Variants in LDB2 observed in about 807,000 individuals in gnomAD.
LDB2 encodes the protein LIM domain-binding protein 2.
LDB2 carries 12 observed loss-of-function variants against 44.3 expected under a neutral mutation model. The observed-to-expected ratio is 0.27, with a 90% CI of 0.17 to 0.44. The LOEUF is 0.44. Ranked by LOEUF, LDB2 falls within the 20% of genes least tolerant of loss-of-function variation. The pLI is 1.00. For synonymous variants in LDB2, 164 were observed against 174.8 expected (o/e 0.94, Z 0.49); for missense variants, 344 against 473.5 (o/e 0.73, Z 2.54).
chr4:16,727,184 T>C lies in LDB2; in HGVS notation c.235+31974A>G, dbSNP rs79058318. Among the ~76,000 whole-genome samples, 1,021 of 152,294 alleles carry C rather than the reference T, an allele frequency of 6.7e-3. 16 individuals are homozygous for C. Among genetic ancestry groups the C allele is most frequent in the African/African-American group, 0.023 (975 of 41,556 alleles). ...TGCCAGGGGCACGATTCCTGATTCA[T>C]CAACTCAAAGAGCATGCAAAATCCC... is the stretch of plus-strand genomic sequence containing the variant. On this transcript the variant is annotated intron_variant, in intron 2 of 7. Coordinates refer to ENST00000304523, the MANE Select transcript of LDB2 (RefSeq NM_001290.5).
At chr4:16,751,830 C>A (rs184093093) in intron 2 of LDB2, among the ~76,000 whole-genome samples, 1 of 152,250 alleles carries the variant, frequency 6.6e-6, no homozygotes, top group African/African-American at 2.4e-5. Context: ...CTTCGAATGA[C>A]AATCTGCTCT....
chr4:16,655,518 C>T (rs1578514968), intron 2 of LDB2, among the ~76,000 whole-genome samples: 1 of 152,308 alleles, frequency 6.6e-6, no homozygotes, highest in East Asian at 1.9e-4. Context: ...CCACAATCGT[C>T]CGTTACACAA....
At chr4:16,772,078 C>T (rs1186723709) in intron 1 of LDB2, among the ~76,000 whole-genome samples, 1 of 152,158 alleles carries the variant, frequency 6.6e-6, no homozygotes, top group Non-Finnish European at 1.5e-5. Flanking sequence ...CACTCCACTA[C>T]ACCACAGGGC....
chr4:16,557,448 C>T (rs1740123019), intron 5 of LDB2, among the ~76,000 whole-genome samples: 1 of 152,186 alleles, frequency 6.6e-6, no homozygotes, highest in African/African-American at 2.4e-5. Flanking sequence ...CACGGAATCT[C>T]GCTGATTGCT....
chr4:16,557,449 G>T (rs940914093), intron 5 of LDB2, among the ~76,000 whole-genome samples: 1 of 152,178 alleles, frequency 6.6e-6, no homozygotes, highest in Non-Finnish European at 1.5e-5. Flanking sequence ...ACGGAATCTC[G>T]CTGATTGCTA....
rs368042728 is a variant in LDB2, at chr4:16,637,716, T to A, written c.236-41841A>T. ...ACTACAGAAAGAAGAATGGAAATAATGTGGCAGGGACAACAGCAGGAGAAT... is the reference window on the plus strand; with the variant it reads ...ACTACAGAAAGAAGAATGGAAATAAAGTGGCAGGGACAACAGCAGGAGAAT... On this transcript the variant is annotated intron_variant, in intron 2 of 7. Transcript: ENST00000304523. Among the ~76,000 whole-genome samples the A allele has an allele frequency of 1.4e-3, 210 of 152,278 alleles. 2 individuals are homozygous for A. Among genetic ancestry groups the A allele is most frequent in the African/African-American group, 4.8e-3 (201 of 41,544 alleles).
intron 1 of LDB2, among the ~76,000 whole-genome samples, chr4:16,823,421 A>G (rs1431786464): frequency 6.6e-6 from 1 of 152,196 alleles, no homozygotes; most frequent in East Asian, 1.9e-4. Flanking sequence ...ACAGCATCCA[A>G]TCCCATCCCT....
At chr4:16,746,435 A>AT (rs60434109) in intron 2 of LDB2, among the ~76,000 whole-genome samples, 44,452 of 151,460 alleles carry the variant, frequency 0.29, 8,359 homozygotes, top group East Asian at 0.56. Context: ...GACAGTCTTG[A>AT]TTTTTTTTTC....
rs186212663 is a variant in LDB2 at position 16,755,665 on chromosome 4, G to A, written c.235+3493C>T. 1.6e-3 allele frequency among the ~76,000 whole-genome samples: 247 copies of A among 152,150 alleles called. 2 individuals are homozygous for A. Among genetic ancestry groups the A allele is most frequent in the African/African-American group, 5.6e-3 (231 of 41,544 alleles). ...CAAGTTTCCATTTTTAGAAAGGACC[G>A]TTTTTAGCCCTAATGTTCTTTATTC... is the stretch of plus-strand genomic sequence containing the variant. On this transcript the variant is annotated intron_variant, in intron 2 of 7. Coordinates refer to ENST00000304523, the MANE Select transcript of LDB2 (RefSeq NM_001290.5).
At chr4:16,756,706 G>A (rs902479380) in intron 2 of LDB2, among the ~76,000 whole-genome samples, 6 of 151,932 alleles carry the variant, frequency 3.9e-5, no homozygotes, top group African/African-American at 1.5e-4. Context: ...TGAGAACTCA[G>A]CAATTAACAA....
At chr4:16,714,697 G>A (rs1380802721) in intron 2 of LDB2, among the ~76,000 whole-genome samples, 2 of 152,128 alleles carry the variant, frequency 1.3e-5, no homozygotes, top group African/African-American at 2.4e-5. Context: ...TGGCTGGATT[G>A]ATTTCATCTG....
intron 2 of LDB2, among the ~76,000 whole-genome samples, chr4:16,599,648 C>T (rs973567014): frequency 2.6e-5 from 4 of 152,062 alleles, no homozygotes; most frequent in African/African-American, 7.2e-5. Context: ...AAGAAACACA[C>T]GCATACACCA....
chr4:16,833,508 G>A (rs565411637), intron 1 of LDB2, among the ~76,000 whole-genome samples: 2 of 150,636 alleles, frequency 1.3e-5, no homozygotes, highest in African/African-American at 2.4e-5. Flanking sequence ...AATATGATCC[G>A]GTCCCAACAG....
At chr4:16,834,751 C>G (rs978691692) in intron 1 of LDB2, among the ~76,000 whole-genome samples, 2 of 151,912 alleles carry the variant, frequency 1.3e-5, no homozygotes, top group Non-Finnish European at 2.9e-5. Context: ...GGCTTGAACC[C>G]CGGAGTCGGA....
chr4:16,767,600 A>C (rs59942233), intron 1 of LDB2, among the ~76,000 whole-genome samples: 2,507 of 152,314 alleles, frequency 0.016, 41 homozygotes, highest in East Asian at 0.078. Flanking sequence ...AATATTAATA[A>C]GTAAAAAGTG....
At chr4:16,732,140 C>A (rs569398773) in intron 2 of LDB2, among the ~76,000 whole-genome samples, 1 of 152,160 alleles carries the variant, frequency 6.6e-6, no homozygotes, top group Non-Finnish European at 1.5e-5. Flanking sequence ...GACAGTCCCC[C>A]TCCCTAATGA....
chr4:16,896,312 A>G (rs558699075), intron 1 of LDB2, among the ~76,000 whole-genome samples: 10 of 152,314 alleles, frequency 6.6e-5, no homozygotes, highest in African/African-American at 2.2e-4. Flanking sequence ...CTCACAAAAA[A>G]TAATGTACCA....
intron 2 of LDB2, among the ~76,000 whole-genome samples, chr4:16,688,574 GATA>G (rs1161034535): frequency 6.6e-6 from 1 of 152,184 alleles, no homozygotes; most frequent in African/African-American, 2.4e-5. Flanking sequence ...TATGGGATCT[GATA>G]ATAATAAATT....
intron 5 of LDB2, among the ~76,000 whole-genome samples, chr4:16,562,637 C>G (rs1276568745): frequency 6.6e-6 from 1 of 152,202 alleles, no homozygotes; most frequent in Non-Finnish European, 1.5e-5. Context: ...ACTAGTTCAA[C>G]CATTGTGGAA....
Sources: gnomAD v4.1 joint callset for allele counts (sites outside exome capture counted in the v4.1 genomes callset) on GRCh38, gnomAD v4.1.1 for gene constraint, MANE v1.5 for transcripts, NCBI Gene and HGNC (gene_info 2026-07-23, HGNC 2026-07-21) for gene names.